TMEM132D: variants seen among roughly 807,000 people sequenced by gnomAD.
The protein encoded by TMEM132D is transmembrane protein 132D.
TMEM132D carries 21 observed loss-of-function variants against 62.3 expected under a neutral mutation model. The observed-to-expected ratio is 0.34, with a 90% CI of 0.24 to 0.49. The LOEUF is 0.49. Among genes scored for constraint, TMEM132D ranks in the 20% least tolerant of loss-of-function variants. TMEM132D has a pLI of 0.99. For missense variants in TMEM132D, 1,346 were observed against 1,402.8 expected (o/e 0.96, Z 0.65); for synonymous variants, 621 against 575.6 (o/e 1.08, Z -1.13).
chr12:129,893,847 G>A (rs1875014837), intron 1 of TMEM132D, among the ~76,000 whole-genome samples: 2 of 152,180 alleles, frequency 1.3e-5, no homozygotes, highest in Admixed American at 1.3e-4. Flanking sequence ...CCTGCCTTGG[G>A]TCCAGCCCTC....
At chr12:129,534,475 T>C (rs1876323653) in intron 2 of TMEM132D, among the ~76,000 whole-genome samples, 2 of 151,974 alleles carry the variant, frequency 1.3e-5, no homozygotes, top group South Asian at 4.2e-4. Context: ...TATGTATACA[T>C]AATGTAGAAT....
intron 3 of TMEM132D, among the ~76,000 whole-genome samples, chr12:129,409,634 T>C (rs1172945101): frequency 6.6e-6 from 1 of 152,224 alleles, no homozygotes; most frequent in East Asian, 1.9e-4. Flanking sequence ...TATGAGATGC[T>C]CCTATATTGT....
intron 3 of TMEM132D, among the ~76,000 whole-genome samples, chr12:129,470,903 G>C (rs889865972): frequency 1.3e-5 from 2 of 152,018 alleles, no homozygotes; most frequent in Non-Finnish European, 1.5e-5. Context: ...CACAAAAGTT[G>C]GTCTGTGGAA....
intron 3 of TMEM132D, among the ~76,000 whole-genome samples, chr12:129,461,267 C>T (rs972425018): frequency 5.3e-5 from 8 of 152,090 alleles, no homozygotes; most frequent in African/African-American, 7.2e-5. Flanking sequence ...TGACAAGAGC[C>T]AGGAGAAGGA....
chr12:129,476,705 G>A (rs1467162783), intron 3 of TMEM132D, among the ~76,000 whole-genome samples: 3 of 152,172 alleles, frequency 2.0e-5, no homozygotes, highest in African/African-American at 7.2e-5. Context: ...TGTATTTGTG[G>A]TGGGGGCTGG....
intron 1 of TMEM132D, among the ~76,000 whole-genome samples, chr12:129,802,880 GT>G (rs948218525): frequency 3.7e-4 from 56 of 151,604 alleles, no homozygotes; most frequent in Non-Finnish European, 5.7e-4. Context: ...AAAGGCAAGG[GT>G]TGCAATCCTA....
chr12:129,100,089 G>A (rs1875253303), intron 5 of TMEM132D, among the ~76,000 whole-genome samples: 1 of 151,870 alleles, frequency 6.6e-6, no homozygotes, highest in Non-Finnish European at 1.5e-5. Context: ...CACCCAGGCT[G>A]GAGTGCAGTG....
intron 1 of TMEM132D, among the ~76,000 whole-genome samples, chr12:129,855,349 C>T (rs1873704245): frequency 2.1e-5 from 1 of 47,524 alleles, no homozygotes; most frequent in Non-Finnish European, 4.2e-5. Flanking sequence ...TAACAGAGTC[C>T]GGGGGAACGG....
intron 1 of TMEM132D, among the ~76,000 whole-genome samples, chr12:129,738,887 T>C (rs1042691163): frequency 1.3e-5 from 2 of 152,284 alleles, no homozygotes; most frequent in Admixed American, 6.5e-5. Context: ...ACACGTACAT[T>C]ATACCCAGAA....
At chr12:129,770,656 C>T (rs1870714000) in intron 1 of TMEM132D, among the ~76,000 whole-genome samples, 1 of 152,140 alleles carries the variant, frequency 6.6e-6, no homozygotes. Flanking sequence ...ACTTGATACA[C>T]CTAACCTACG....
At chr12:129,689,626 T>C (rs1881016104) in intron 2 of TMEM132D, among the ~76,000 whole-genome samples, 1 of 152,220 alleles carries the variant, frequency 6.6e-6, no homozygotes, top group Non-Finnish European at 1.5e-5. Context: ...GGGCATTGGA[T>C]GAGTTTCTTC....
intron 5 of TMEM132D, among the ~76,000 whole-genome samples, chr12:129,096,289 G>A (rs1380564211): frequency 6.6e-6 from 1 of 152,146 alleles, no homozygotes; most frequent in Non-Finnish European, 1.5e-5. Flanking sequence ...GCCGTCATAT[G>A]CCTCACATGC....
chr12:129,564,906 G>A (rs1334782836), intron 2 of TMEM132D, among the ~76,000 whole-genome samples: 2 of 152,172 alleles, frequency 1.3e-5, no homozygotes, highest in Non-Finnish European at 2.9e-5. Context: ...GTTGGAGTAG[G>A]CAGATGACTA....
At chr12:129,833,864 G>A (rs1426098973) in intron 1 of TMEM132D, among the ~76,000 whole-genome samples, 3 of 152,082 alleles carry the variant, frequency 2.0e-5, no homozygotes, top group East Asian at 1.9e-4. Flanking sequence ...TGGGGATCTC[G>A]GCTGTTGTTC....
intron 1 of TMEM132D, among the ~76,000 whole-genome samples, chr12:129,742,027 A>T (rs1869626552): frequency 6.6e-6 from 1 of 152,210 alleles, no homozygotes; most frequent in Non-Finnish European, 1.5e-5. Flanking sequence ...GGTATGCAAA[A>T]TAATGGCCCC....
intron 4 of TMEM132D, among the ~76,000 whole-genome samples, chr12:129,282,569 C>A (rs2135611090): frequency 6.6e-6 from 1 of 152,256 alleles, no homozygotes; most frequent in Non-Finnish European, 1.5e-5. Context: ...CTCTCCTGAC[C>A]TCCATGTGTG....
chr12:129,554,748 C>G (rs1025624870), intron 2 of TMEM132D, among the ~76,000 whole-genome samples: 8 of 152,152 alleles, frequency 5.3e-5, no homozygotes, highest in Admixed American at 3.3e-4. Context: ...GGAATCACAT[C>G]AGATGCTGCA....
At chr12:129,360,423 G>A (rs185127722) in intron 3 of TMEM132D, among the ~76,000 whole-genome samples, 1 of 152,296 alleles carries the variant, frequency 6.6e-6, no homozygotes, top group East Asian at 1.9e-4. Context: ...TTCATGTAAA[G>A]ACCCGAAGGT....
chr12:129,283,015 AG>A (rs1881198053), intron 4 of TMEM132D, among the ~76,000 whole-genome samples: 1 of 152,146 alleles, frequency 6.6e-6, no homozygotes, highest in Admixed American at 6.5e-5. Context: ...AAGTCTTCTC[AG>A]GGGCTCTACT....
Sources: gnomAD v4.1 joint callset for allele counts (sites outside exome capture counted in the v4.1 genomes callset) on GRCh38, gnomAD v4.1.1 for gene constraint, MANE v1.5 for transcripts, NCBI Gene and HGNC (gene_info 2026-07-23, HGNC 2026-07-21) for gene names.